ZNF362: variants seen among roughly 807,000 people sequenced by gnomAD.
ZNF362 encodes the protein rotund homolog.
In ZNF362, 11 loss-of-function variants were observed where a neutral mutation model predicts 42.9. The observed-to-expected ratio is 0.26, with a 90% CI of 0.16 to 0.42. The LOEUF (loss-of-function observed/expected upper bound fraction) is 0.42, where lower values mean the gene tolerates loss of function less well. ZNF362 is among the 20% of genes least tolerant of loss of function. ZNF362 has a pLI of 1.00. For synonymous variants in ZNF362, 255 were observed against 257.3 expected (o/e 0.99, Z 0.09); for missense variants, 362 against 576.2 (o/e 0.63, Z 3.81).
intron 8 of ZNF362, among the ~76,000 whole-genome samples, chr1:33,296,302 A>T (rs909488897): frequency 7.9e-5 from 12 of 152,074 alleles, no homozygotes; most frequent in Non-Finnish European, 1.6e-4. Flanking sequence ...ACAGCCAAAA[A>T]ATGTCTTCAG....
At chr1:33,229,824 G>A in the ZNF362 span, among the ~76,000 whole-genome samples, 7 of 152,116 alleles carry the variant, frequency 4.6e-5, no homozygotes, top group South Asian at 6.2e-4. Context: ...AGTAACCCGC[G>A]TCCCTCCCTC....
the ZNF362 span, chr1:33,159,933 C>T: frequency 1.9e-6 from 3 of 1,604,212 alleles, no homozygotes; most frequent in Non-Finnish European, 2.5e-6. This position sits in a 1 kb window ranked among gnomAD's most constrained non-coding sequence, Gnocchi z 4.2. Context: ...TCCGCAGGCT[C>T]TTGGTGGAAG....
chr1:33,188,707 G>C, the ZNF362 span, among the ~76,000 whole-genome samples: 2 of 152,218 alleles, frequency 1.3e-5, no homozygotes, highest in Non-Finnish European at 2.9e-5. Context: ...AGCCCATGCT[G>C]TTGGGCCATG....
At chr1:33,188,112 T>C in the ZNF362 span, among the ~76,000 whole-genome samples, 1 of 152,126 alleles carries the variant, frequency 6.6e-6, no homozygotes, top group Non-Finnish European at 1.5e-5. Context: ...CGGGTGCCTG[T>C]AATCCCAGCT....
intron 1 of ZNF362, among the ~76,000 whole-genome samples, chr1:33,258,710 G>T (rs145583930): frequency 6.6e-6 from 1 of 152,120 alleles, no homozygotes; most frequent in South Asian, 2.1e-4. Context: ...GGGACAGCAC[G>T]ATCCCTTCAC....
chr1:33,295,975 G>C (rs1477436439), intron 8 of ZNF362, among the ~76,000 whole-genome samples: 2 of 152,192 alleles, frequency 1.3e-5, no homozygotes, highest in Admixed American at 1.3e-4. Context: ...ACCTGAGCTA[G>C]TACCATTATT....
chr1:33,148,611 AATATTTT>A, the ZNF362 span, among the ~76,000 whole-genome samples: 2 of 152,332 alleles, frequency 1.3e-5, no homozygotes, highest in South Asian at 4.1e-4. Context: ...TGACATACAA[AATATTTT>A]ATTATTAATA....
the ZNF362 span, among the ~76,000 whole-genome samples, chr1:33,151,723 T>C: frequency 6.6e-6 from 1 of 152,178 alleles, no homozygotes; most frequent in African/African-American, 2.4e-5. Context: ...AGGTGTGTTG[T>C]CCATTCATTT....
the ZNF362 span, among the ~76,000 whole-genome samples, chr1:33,247,952 A>G: frequency 6.6e-6 from 1 of 152,252 alleles, no homozygotes; most frequent in African/African-American, 2.4e-5. Flanking sequence ...GGTGAGGTCA[A>G]GTCCCCAGAA....
chr1:33,265,302 G>A (rs140218933), intron 1 of ZNF362, among the ~76,000 whole-genome samples: 128 of 151,934 alleles, frequency 8.4e-4, no homozygotes, highest in Non-Finnish European at 1.5e-3. Context: ...GGGAATGGGG[G>A]GCCCAGAGGT....
chr1:33,203,935 TACTG>T, the ZNF362 span, among the ~76,000 whole-genome samples: 2 of 152,198 alleles, frequency 1.3e-5, no homozygotes, highest in East Asian at 1.9e-4. Flanking sequence ...CTTTTCCTTT[TACTG>T]ACTGTTTCCC....
the ZNF362 span, among the ~76,000 whole-genome samples, chr1:33,230,154 C>T: frequency 5.8e-4 from 89 of 152,226 alleles, no homozygotes; most frequent in African/African-American, 2.0e-3. Context: ...GTAACTTAAG[C>T]ATGTTATTTA....
chr1:33,166,360 A>G, the ZNF362 span: 1 of 152,044 alleles, frequency 6.6e-6, no homozygotes, highest in Admixed American at 6.5e-5. Flanking sequence ...TTGTGGAAAA[A>G]TTGTCTTCCA....
At chr1:33,246,705 C>T in the ZNF362 span, among the ~76,000 whole-genome samples, 2 of 152,216 alleles carry the variant, frequency 1.3e-5, no homozygotes, top group East Asian at 1.9e-4. Flanking sequence ...TTGCAGGCCA[C>T]GTGCAGGAAT....
the ZNF362 span, among the ~76,000 whole-genome samples, chr1:33,222,420 G>A: frequency 6.6e-6 from 1 of 152,106 alleles, no homozygotes; most frequent in East Asian, 1.9e-4. Flanking sequence ...CTACATTACT[G>A]CAAATAGTCA....
At chr1:33,167,238 G>A in the ZNF362 span, among the ~76,000 whole-genome samples, 2 of 152,250 alleles carry the variant, frequency 1.3e-5, no homozygotes, top group South Asian at 2.1e-4. This position sits in a 1 kb window ranked among gnomAD's most constrained non-coding sequence, Gnocchi z 4.2. Context: ...CTGGATTCAC[G>A]GTCTTCCTTG....
intron 1 of ZNF362, among the ~76,000 whole-genome samples, chr1:33,257,090 C>T (rs895459906): frequency 1.3e-5 from 2 of 152,168 alleles, no homozygotes; most frequent in African/African-American, 4.8e-5. Flanking sequence ...CCGGATTTCT[C>T]CCTTTTTTTG....
chr1:33,167,729 G>C, the ZNF362 span, among the ~76,000 whole-genome samples: 6 of 152,194 alleles, frequency 3.9e-5, no homozygotes, highest in Non-Finnish European at 8.8e-5. This position sits in a 1 kb window ranked among gnomAD's most constrained non-coding sequence, Gnocchi z 4.2. Context: ...CACTCATTCA[G>C]CTTGTCAGAC....
chr1:33,174,042 T>C, the ZNF362 span, among the ~76,000 whole-genome samples: 1 of 152,152 alleles, frequency 6.6e-6, no homozygotes, highest in African/African-American at 2.4e-5. Flanking sequence ...AAAATATACA[T>C]ATATACCTTA....
Sources: allele counts gnomAD v4.1 joint callset (sites outside exome capture counted in the v4.1 genomes callset), GRCh38; gene constraint gnomAD v4.1.1; non-coding constraint Gnocchi (gnomAD v3.1); transcripts MANE v1.5; gene names NCBI Gene and HGNC (gene_info 2026-07-23, HGNC 2026-07-21).